MARK2: variants seen among roughly 807,000 people sequenced by gnomAD.
MARK2 encodes serine/threonine-protein kinase MARK2.
In MARK2, 16 loss-of-function variants were observed where a neutral mutation model predicts 89.8. That is an observed-to-expected ratio of 0.18 (90% CI 0.12 to 0.27). The LOEUF (loss-of-function observed/expected upper bound fraction) is 0.27, where lower values mean the gene tolerates loss of function less well. MARK2 is among the 10% of genes least tolerant of loss of function. The pLI, the probability that MARK2 is intolerant of heterozygous loss-of-function variation, is 1.00. For missense variants in MARK2, 621 were observed against 1,049.9 expected (o/e 0.59, Z 5.65); for synonymous variants, 382 against 399.5 (o/e 0.96, Z 0.52).
chr11:63,843,471 C>T (rs1007650431), intron 1 of MARK2, among the ~76,000 whole-genome samples: 7 of 152,022 alleles, frequency 4.6e-5, no homozygotes, highest in South Asian at 2.1e-4. Flanking sequence ...AGGCAGTGAG[C>T]GGCATTGTTT....
intron 1 of MARK2, among the ~76,000 whole-genome samples, chr11:63,894,110 T>G (rs910279015): frequency 1.3e-5 from 2 of 152,256 alleles, no homozygotes; most frequent in Admixed American, 6.5e-5. Context: ...GCTGCCTTGC[T>G]CAGACCTAAT....
At chr11:63,863,782 T>G (rs562236487) in intron 1 of MARK2, among the ~76,000 whole-genome samples, 1 of 148,536 alleles carries the variant, frequency 6.7e-6, no homozygotes, top group African/African-American at 2.5e-5. Flanking sequence ...CCACCACCAC[T>G]TTTTTTTTGA....
At position 63,900,416 on chromosome 11, in the gene MARK2, G is replaced by A. The variant is rs1335529552; in HGVS notation, c.769-143G>A. 22 of 1,005,622 alleles carry A rather than the reference G, an allele frequency of 2.2e-5. No individual in the cohort carries two copies. The highest frequency in any genetic ancestry group is 3.3e-5 in the Non-Finnish European group (22 of 673,988). 62.3% of individuals were successfully genotyped at this position (1,005,622 alleles called of 1,614,324 possible). ...ACTTCACTTGCCTCTCTGGTGAGGT[G>A]TCTTGTCCCCAGGCTGTCTGCCTTC... On this transcript the variant is annotated intron_variant, in intron 8 of 18. Coordinates refer to ENST00000402010, the MANE Select transcript of MARK2 (RefSeq NM_001039469.3). The surrounding 1 kb of genome is among the most constrained non-coding windows in gnomAD (Gnocchi z 4.7).
In MARK2 at chr11:63,842,432, G is replaced by A. The variant is rs144385817; in HGVS notation, c.54+2872G>A. On this transcript the variant is annotated intron_variant, in intron 1 of 18. Coordinates refer to ENST00000402010, the MANE Select transcript of MARK2 (RefSeq NM_001039469.3). The stretch of plus-strand genomic sequence containing the variant: ...GCGTTTCACCATGTTGTCCAGGATG[G>A]TCTCAGTCTCCTGTCCTCGTGATCC... Among the ~76,000 whole-genome samples the A allele has an allele frequency of 2.9e-3, 435 of 152,122 alleles. 4 individuals carry two copies. The highest frequency in any genetic ancestry group is 0.01 in the African/African-American group (418 of 41,482).
At chr11:63,905,850 G>C (rs1230197177) in intron 16 of MARK2, among the ~76,000 whole-genome samples, 1 of 152,150 alleles carries the variant, frequency 6.6e-6, no homozygotes, top group African/African-American at 2.4e-5. Flanking sequence ...ACTCCACTCT[G>C]CTGGAGGAGC....
chr11:63,840,967 C>T (rs2015985247), intron 1 of MARK2, among the ~76,000 whole-genome samples: 1 of 152,152 alleles, frequency 6.6e-6, no homozygotes, highest in Non-Finnish European at 1.5e-5. Context: ...TTCACCATCT[C>T]TAGCGTCCTT....
At chr11:63,877,010 G>A (rs1475126845) in intron 1 of MARK2, among the ~76,000 whole-genome samples, 1 of 151,066 alleles carries the variant, frequency 6.6e-6, no homozygotes, top group Non-Finnish European at 1.5e-5. Flanking sequence ...CCATTCCCAG[G>A]TTCATACCAC....
At chr11:63,846,520 T>G (rs1324386012) in intron 1 of MARK2, among the ~76,000 whole-genome samples, 1 of 151,808 alleles carries the variant, frequency 6.6e-6, no homozygotes, top group East Asian at 1.9e-4. Flanking sequence ...TGTACCCCGC[T>G]AATTTTTGTA....
chr11:63,850,213 A>T (rs1165847693), intron 1 of MARK2, among the ~76,000 whole-genome samples: 1 of 151,598 alleles, frequency 6.6e-6, no homozygotes, highest in Admixed American at 6.6e-5. Flanking sequence ...CAGTAGCACC[A>T]TCTTGGCTCA....
chr11:63,904,035 G>C lies in MARK2; in HGVS notation c.1564G>C (p.Val522Leu), dbSNP rs759996073. 1.2e-6 allele frequency: 2 copies of C among 1,606,766 alleles called. No individual in the cohort carries two copies. The highest frequency in any genetic ancestry group is 2.2e-5 in the South Asian group (2 of 90,880). Residue 522 changes from valine to leucine, a missense_variant, in exon 15 of 19, where the codon GTC becomes CTC. Coordinates refer to ENST00000402010, the MANE Select transcript of MARK2 (RefSeq NM_001039469.3). This position sits in a 1 kb window ranked among gnomAD's most constrained non-coding sequence, Gnocchi z 6.3. ...RASTASASAAVSAARPRQHQK... is the reference protein window; with the variant it reads ...RASTASASAALSAARPRQHQK... ...CTCCACGGCTTCTGCTTCTGCCGCA[G>C]TCTCTGCGGCCCGGCCCCGCCAGCA...
At chr11:63,908,171 C>T (rs2134235244) in intron 17 of MARK2, 89 bp from the exon 18 acceptor site, 6 of 1,256,726 alleles carry the variant, frequency 4.8e-6, no homozygotes, top group East Asian at 2.5e-5. Context: ...ACTGGTGGCA[C>T]CTCCCCAGAC....
intron 1 of MARK2, among the ~76,000 whole-genome samples, chr11:63,892,043 G>A (rs1209061075): frequency 6.6e-6 from 1 of 152,238 alleles, no homozygotes; most frequent in East Asian, 1.9e-4. Context: ...CCAGGCTTAG[G>A]TGAGCTACAG....
intron 1 of MARK2, among the ~76,000 whole-genome samples, chr11:63,872,538 T>C (rs1179252583): frequency 3.9e-5 from 6 of 152,176 alleles, no homozygotes; most frequent in Non-Finnish European, 5.9e-5. Flanking sequence ...GTTTCCATGC[T>C]TGTCCAGTCT....
chr11:63,844,544 TA>T (rs2016184662), intron 1 of MARK2, among the ~76,000 whole-genome samples: 1 of 152,318 alleles, frequency 6.6e-6, no homozygotes, highest in South Asian at 2.1e-4. Flanking sequence ...AACAGATGGA[TA>T]TAAGACAGTT....
chr11:63,880,034 A>C (rs1365140005), intron 1 of MARK2: 2 of 152,164 alleles, frequency 1.3e-5, no homozygotes, highest in Non-Finnish European at 2.9e-5. Context: ...TCAGCATACA[A>C]GCAAGTTTTA....
intron 1 of MARK2, among the ~76,000 whole-genome samples, chr11:63,840,603 T>C (rs534648200): frequency 6.6e-6 from 1 of 152,316 alleles, no homozygotes; most frequent in South Asian, 2.1e-4. Flanking sequence ...ACTTAGAGTA[T>C]TTTCTTTCTT....
At chr11:63,901,404 T>C (rs868783285) in intron 11 of MARK2, among the ~76,000 whole-genome samples, 1 of 145,128 alleles carries the variant, frequency 6.9e-6, no homozygotes, top group South Asian at 2.1e-4. Context: ...TTTTTGTATC[T>C]GGAAGTGTAC....
Position 63,902,850 on chromosome 11 carries a change from T to A in MARK2, c.1416+68T>A. 7.4e-7 allele frequency: 1 copy of A among 1,351,956 alleles called. No individual in the cohort carries two copies. The highest frequency in any genetic ancestry group is 1.2e-5 in the South Asian group (1 of 82,942). 83.7% of individuals were successfully genotyped at this position (1,351,956 alleles called of 1,614,324 possible). A position where few individuals can be genotyped will look rare whatever the true frequency, so the allele number is the denominator to read the frequency against. ...GCCTGCCCTCTCCAGGCAGCTCTTC[T>A]CTTAATTCAGACTCTGTTCCCTTTG... On this transcript the variant is annotated intron_variant, in intron 13 of 18. Transcript: ENST00000402010. The surrounding 1 kb of genome is among the most constrained non-coding windows in gnomAD (Gnocchi z 4.2).
intron 1 of MARK2, among the ~76,000 whole-genome samples, chr11:63,880,726 G>A (rs948751334): frequency 6.6e-6 from 1 of 152,190 alleles, no homozygotes; most frequent in Non-Finnish European, 1.5e-5. Flanking sequence ...GAGCAAGTGG[G>A]ATGGGCCCTG....
Sources: allele counts gnomAD v4.1 joint callset (sites outside exome capture counted in the v4.1 genomes callset), GRCh38; gene constraint gnomAD v4.1.1; non-coding constraint Gnocchi (gnomAD v3.1); transcripts MANE v1.5; gene names NCBI Gene and HGNC (gene_info 2026-07-23, HGNC 2026-07-21).